ITGB5: variants seen among roughly 807,000 people sequenced by gnomAD.
ITGB5 encodes the protein integrin subunit beta 5.
In ITGB5, 38 loss-of-function variants were observed where a neutral mutation model predicts 84.8. That is an observed-to-expected ratio of 0.45 (90% confidence interval 0.35 to 0.59). The LOEUF (loss-of-function observed/expected upper bound fraction) is 0.59. ITGB5 is among the 20% of genes least tolerant of loss of function. The probability of loss-of-function intolerance (pLI) is 0.01; values close to 1 mark genes in which losing one functional copy is unlikely to be tolerated. For synonymous variants in ITGB5, 393 were observed against 414.4 expected (o/e 0.95, Z 0.63); for missense variants, 905 against 1,034.5 (o/e 0.87, Z 1.72).
rs1301119252 is a variant in ITGB5, at chr3:124,806,653, G to A, written c.1263+2369C>T. 2.0e-5 allele frequency among the ~76,000 whole-genome samples: 3 copies of A among 151,588 alleles called. No individual in the cohort carries two copies. The East Asian group carries it at 5.8e-4, about 29-fold the overall frequency. Reference sequence around the variant, plus strand: ...GGGGTTTCACCGTGTTAGCCAGGATGGTCTCGATCTCCTAACTTCATGATC... The same window carrying A: ...GGGGTTTCACCGTGTTAGCCAGGATAGTCTCGATCTCCTAACTTCATGATC... On this transcript the variant is annotated intron_variant, in intron 9 of 14. Coordinates refer to ENST00000296181, the MANE Select transcript of ITGB5 (RefSeq NM_002213.5).
At chr3:124,813,021 C>T (rs769972234) in intron 8 of ITGB5, among the ~76,000 whole-genome samples, 3 of 152,124 alleles carry the variant, frequency 2.0e-5, no homozygotes, top group Admixed American at 6.5e-5. Context: ...AAAACACAAG[C>T]GGTCTGGAGA....
At chr3:124,886,374 A>G (rs957971358) in intron 1 of ITGB5, among the ~76,000 whole-genome samples, 2 of 152,008 alleles carry the variant, frequency 1.3e-5, no homozygotes, top group Non-Finnish European at 2.9e-5. Context: ...TGCATCTTCA[A>G]AGGCAGGCGG....
At position 124,773,803 on chromosome 3, in the gene ITGB5, G is replaced by C; in HGVS notation, c.1803C>G (p.Ile601Met). 1.2e-6 allele frequency: 2 copies of C among 1,614,026 alleles called. No individual in the cohort carries two copies. Among genetic ancestry groups the C allele is most frequent in the Non-Finnish European group, 1.7e-6 (2 of 1,180,050 alleles). Residue 601 changes from isoleucine to methionine, a missense_variant, in exon 11 of 15, where the codon ATC (isoleucine) becomes ATG (methionine). Transcript: ENST00000296181. ...ISTCRGRDGQ[I>M]CSERGHCLCG... The stretch of plus-strand genomic sequence containing the variant: ...AGAGACAGTGCCCACGCTCGCTGCA[G>C]ATCTGGCCATCTCTGCCCCGGCATG...
chr3:124,804,990 C>T (rs949728721), intron 9 of ITGB5, among the ~76,000 whole-genome samples: 2 of 150,932 alleles, frequency 1.3e-5, no homozygotes, highest in African/African-American at 2.4e-5. Flanking sequence ...TCCTTCCTTC[C>T]TTCTTTCTTT....
intron 1 of ITGB5, among the ~76,000 whole-genome samples, chr3:124,883,597 G>T (rs1267845512): frequency 6.6e-6 from 1 of 152,194 alleles, no homozygotes; most frequent in African/African-American, 2.4e-5. Context: ...TAGGGGGTTG[G>T]GGGTAGAGGA....
chr3:124,880,259 G>C (rs1934508352), intron 1 of ITGB5, among the ~76,000 whole-genome samples: 1 of 151,916 alleles, frequency 6.6e-6, no homozygotes, highest in African/African-American at 2.4e-5. Context: ...AAAGGACTTA[G>C]GTAAACACTA....
intron 3 of ITGB5, among the ~76,000 whole-genome samples, chr3:124,855,098 A>G (rs1460513557): frequency 6.6e-6 from 1 of 152,186 alleles, no homozygotes; most frequent in African/African-American, 2.4e-5. Flanking sequence ...AGATGACTTG[A>G]GCCCAGGAGT....
chr3:124,893,129 G>T (rs1935035150), intron 1 of ITGB5, among the ~76,000 whole-genome samples: 1 of 152,086 alleles, frequency 6.6e-6, no homozygotes, highest in Admixed American at 6.6e-5. Context: ...TTTAGGCTGG[G>T]TGCAGTGGTG....
At chr3:124,810,807 C>T (rs753435837) in intron 8 of ITGB5, among the ~76,000 whole-genome samples, 3 of 152,138 alleles carry the variant, frequency 2.0e-5, no homozygotes, top group African/African-American at 7.2e-5. Context: ...CCCCAACATC[C>T]GCAGACGGCC....
chr3:124,801,572 C>G (rs1238798516), intron 9 of ITGB5, among the ~76,000 whole-genome samples: 4 of 152,178 alleles, frequency 2.6e-5, no homozygotes, highest in Non-Finnish European at 5.9e-5. Flanking sequence ...GGGCCGTGTC[C>G]TTGTCCACAG....
intron 10 of ITGB5, among the ~76,000 whole-genome samples, chr3:124,780,095 GGCCTCT>G (rs2063982002): frequency 1.6e-5 from 2 of 122,296 alleles, no homozygotes; most frequent in Admixed American, 7.7e-5. Context: ...CCCTCAGCGA[GGCCTCT>G]GAGGCAGGGC....
At chr3:124,785,162 G>A (rs549003531) in intron 10 of ITGB5, among the ~76,000 whole-genome samples, 2 of 152,328 alleles carry the variant, frequency 1.3e-5, no homozygotes, top group African/African-American at 2.4e-5. Flanking sequence ...CTACATGCCA[G>A]TCTTCTCAGC....
chr3:124,811,271 A>G (rs1579234484), intron 8 of ITGB5, among the ~76,000 whole-genome samples: 1 of 152,218 alleles, frequency 6.6e-6, no homozygotes, highest in East Asian at 1.9e-4. Flanking sequence ...ACTTAGTACA[A>G]TCTGTCGTTG....
chr3:124,830,560 G>A (rs1382675483), intron 5 of ITGB5, among the ~76,000 whole-genome samples: 1 of 152,224 alleles, frequency 6.6e-6, no homozygotes, highest in Non-Finnish European at 1.5e-5. Context: ...CTGAATTCTG[G>A]AAGGAACCTC....
intron 1 of ITGB5, among the ~76,000 whole-genome samples, chr3:124,886,168 G>A (rs945873182): frequency 6.6e-6 from 1 of 152,192 alleles, no homozygotes; most frequent in Non-Finnish European, 1.5e-5. Context: ...CACAGCCCCT[G>A]TCCTCTGCTC....
chr3:124,838,380 CTTTT>C (rs1297305450), intron 5 of ITGB5, among the ~76,000 whole-genome samples: 3 of 151,988 alleles, frequency 2.0e-5, no homozygotes, highest in Admixed American at 1.3e-4. Flanking sequence ...TTTTTTCTTT[CTTTT>C]GTTTGCAAAA....
chr3:124,770,138 G>C (rs2063821262), intron 11 of ITGB5: 1 of 152,298 alleles, frequency 6.6e-6, no homozygotes, highest in South Asian at 2.1e-4. Context: ...TGTTCAAGGG[G>C]AGAGGTCCCA....
At chr3:124,898,664 A>G (rs111733146) in intron 1 of ITGB5, among the ~76,000 whole-genome samples, 2,557 of 146,322 alleles carry the variant, frequency 0.017, 120 homozygotes, top group African/African-American at 0.063. Context: ...AAAAAAAAAA[A>G]AAAAAAGAAA....
At chr3:124,802,539 C>T (rs928773097) in intron 9 of ITGB5, among the ~76,000 whole-genome samples, 36 of 152,348 alleles carry the variant, frequency 2.4e-4, no homozygotes, top group African/African-American at 7.0e-4. Context: ...GTGCCAGGGC[C>T]GGCTCCCTGG....
Sources: gnomAD v4.1 joint callset for allele counts (sites outside exome capture counted in the v4.1 genomes callset) on GRCh38, gnomAD v4.1.1 for gene constraint, MANE v1.5 for transcripts, NCBI Gene and HGNC (gene_info 2026-07-23, HGNC 2026-07-21) for gene names.